The following ARHGEF7 variants were observed in gnomAD, a reference collection of about 807,000 sequenced individuals.
ARHGEF7 encodes the protein PAK-interacting exchange factor beta.
In ARHGEF7, 33 loss-of-function variants were observed where a neutral mutation model predicts 109.8. That is an observed-to-expected ratio of 0.30 (90% confidence interval 0.23 to 0.40). The LOEUF is 0.40. Ranked by LOEUF, ARHGEF7 falls within the 10% of genes least tolerant of loss-of-function variation. ARHGEF7 has a pLI of 1.00. For synonymous variants in ARHGEF7, 458 were observed against 424.6 expected, an observed-to-expected ratio of 1.08 and a Z score of -0.97; for missense variants, 938 against 1,098.5, an observed-to-expected ratio of 0.85 and a Z score of 2.07.
At chr13:111,292,094 T>C in intron 18 of ARHGEF7, 24 bp from the exon 19 acceptor site, 1 of 1,607,256 alleles carries the variant, frequency 6.2e-7, no homozygotes, top group Non-Finnish European at 8.5e-7. Flanking sequence ...CTGTCGCGCC[T>C]GTCCCTCCGC....
At chr13:111,247,665 G>GA (rs1460783531) in intron 8 of ARHGEF7, among the ~76,000 whole-genome samples, 1 of 151,994 alleles carries the variant, frequency 6.6e-6, no homozygotes, top group Non-Finnish European at 1.5e-5. Context: ...CTGTTGGTTA[G>GA]ACCCAGGAGT....
chr13:111,213,394 G>A (rs889455075), intron 4 of ARHGEF7, among the ~76,000 whole-genome samples: 8 of 152,120 alleles, frequency 5.3e-5, no homozygotes, highest in Non-Finnish European at 1.0e-4. Context: ...CATGTATTGT[G>A]TGCATACAGC....
Position 111,288,051 on chromosome 13 carries a change from C to T in ARHGEF7, c.2045-303C>T, listed in dbSNP as rs573543508. ...GTGACTTCCTTATTCCTATCTCCTG[C>T]CCTTTTTTCAGTTTGAGAGTGGGGA... On this transcript the variant is annotated intron_variant, in intron 17 of 21. Transcript: ENST00000646102. 5.9e-5 allele frequency among the ~76,000 whole-genome samples: 9 copies of T among 152,306 alleles called. No homozygotes were observed. In the South Asian group the frequency reaches 1.5e-3, roughly 25 times the overall value.
chr13:111,191,069 G>A (rs756486497), intron 2 of ARHGEF7, among the ~76,000 whole-genome samples: 31 of 152,118 alleles, frequency 2.0e-4, no homozygotes, highest in Non-Finnish European at 4.0e-4. Flanking sequence ...TGGTGGGGGC[G>A]CTGCTGCAGG....
At chr13:111,123,867 C>G (rs759001250) in intron 1 of ARHGEF7, among the ~76,000 whole-genome samples, 13,504 of 142,808 alleles carry the variant, frequency 0.095, 1,082 homozygotes, top group Non-Finnish European at 0.11. Flanking sequence ...GCTGCGCCCC[C>G]CCCCCCCGGC....
intron 2 of ARHGEF7, chr13:111,182,575 A>G (rs1190458087): frequency 6.6e-6 from 1 of 152,304 alleles, no homozygotes. Context: ...GGGTCTGACG[A>G]ATACCAGGAA....
At chr13:111,202,708 G>A (rs1158449998) in intron 2 of ARHGEF7, among the ~76,000 whole-genome samples, 1 of 152,210 alleles carries the variant, frequency 6.6e-6, no homozygotes, top group East Asian at 1.9e-4. Flanking sequence ...TTCTATAAAA[G>A]TTTTGAGACT....
At chr13:111,140,215 T>C (rs1168625571) in intron 1 of ARHGEF7, among the ~76,000 whole-genome samples, 1 of 152,208 alleles carries the variant, frequency 6.6e-6, no homozygotes, top group Non-Finnish European at 1.5e-5. Flanking sequence ...TCAACCGTCA[T>C]CCAAACAGAC....
chr13:111,293,781 C>T, intron 19 of ARHGEF7: 1 of 985,392 alleles, frequency 1.0e-6, no homozygotes, highest in East Asian at 1.1e-4. Flanking sequence ...CCCCACTGCC[C>T]ACTCCTTCGC....
chr13:111,270,232 G>A (rs2092026798), intron 9 of ARHGEF7, among the ~76,000 whole-genome samples: 1 of 152,136 alleles, frequency 6.6e-6, no homozygotes, highest in Non-Finnish European at 1.5e-5. Context: ...CCAGCAGTTT[G>A]TTCCTCTGCA....
At chr13:111,150,909 C>T (rs1480700586) in intron 1 of ARHGEF7, among the ~76,000 whole-genome samples, 2 of 152,152 alleles carry the variant, frequency 1.3e-5, no homozygotes. Context: ...GGTTTTTGCC[C>T]TAGAGATATC....
At chr13:111,247,069 G>A (rs905469691) in intron 8 of ARHGEF7, among the ~76,000 whole-genome samples, 1 of 152,172 alleles carries the variant, frequency 6.6e-6, no homozygotes, top group Non-Finnish European at 1.5e-5. Context: ...TGTATACGAG[G>A]TGTTAGAGTT....
intron 8 of ARHGEF7, among the ~76,000 whole-genome samples, chr13:111,256,821 C>A (rs1254184580): frequency 6.6e-6 from 1 of 152,198 alleles, no homozygotes; most frequent in South Asian, 2.1e-4. Flanking sequence ...GCTAACCTAA[C>A]TGGGCCCTGA....
chr13:111,228,792 C>G lies in ARHGEF7; in HGVS notation c.671-4413C>G, dbSNP rs974635118. Among the ~76,000 whole-genome samples the G allele has an allele frequency of 1.3e-5, 2 of 151,950 alleles. No individual in the cohort carries two copies. The highest frequency in any genetic ancestry group is 2.9e-5 in the Non-Finnish European group (2 of 67,996). ...AACAGCCAACAAACCACGCACAGAGCCCCAGCACAGAAGGTCGGAAGAGGA... is the reference window on the plus strand; with the variant it reads ...AACAGCCAACAAACCACGCACAGAGGCCCAGCACAGAAGGTCGGAAGAGGA... On this transcript the variant is annotated intron_variant, in intron 5 of 21. Transcript: ENST00000646102. This position sits in a 1 kb window ranked among gnomAD's most constrained non-coding sequence, Gnocchi z 4.6.
At chr13:111,253,800 C>G (rs899772268) in intron 8 of ARHGEF7, among the ~76,000 whole-genome samples, 3 of 152,186 alleles carry the variant, frequency 2.0e-5, no homozygotes, top group Non-Finnish European at 4.4e-5. Flanking sequence ...CTCCCCCGAT[C>G]CCTATACTTT....
chr13:111,250,660 C>T (rs1368004618), intron 8 of ARHGEF7, among the ~76,000 whole-genome samples: 1 of 152,198 alleles, frequency 6.6e-6, no homozygotes, highest in African/African-American at 2.4e-5. Flanking sequence ...GAGACTGCCA[C>T]ATTTCAAACC....
chr13:111,292,440 T>G, intron 19 of ARHGEF7, 146 bp downstream of exon 19: 3 of 1,461,894 alleles, frequency 2.1e-6, no homozygotes, highest in Non-Finnish European at 2.7e-6. Context: ...TAACAACTTT[T>G]GAGAGTGTTC....
At chr13:111,251,157 G>A (rs866483957) in intron 8 of ARHGEF7, among the ~76,000 whole-genome samples, 4 of 152,192 alleles carry the variant, frequency 2.6e-5, no homozygotes, top group African/African-American at 4.8e-5. Context: ...GAGTTACCTC[G>A]TTAGCATAGA....
intron 21 of ARHGEF7, among the ~76,000 whole-genome samples, chr13:111,301,824 G>A (rs554989704): frequency 2.0e-5 from 3 of 152,236 alleles, no homozygotes; most frequent in South Asian, 2.1e-4. Context: ...CCTAGGAGGC[G>A]GAGGTTGCTG....
Sources: gnomAD v4.1 joint callset for allele counts (sites outside exome capture counted in the v4.1 genomes callset) on GRCh38, gnomAD v4.1.1 for gene constraint, Gnocchi (gnomAD v3.1) non-coding constraint, MANE v1.5 for transcripts, NCBI Gene and HGNC (gene_info 2026-07-23, HGNC 2026-07-21) for gene names.